SESTD1: variants seen among roughly 807,000 people sequenced by gnomAD.
The protein encoded by SESTD1 is SEC14 and spectrin domain containing 1.
SESTD1 carries 43 observed loss-of-function variants against 101.7 expected under a neutral mutation model. The observed-to-expected ratio is 0.42, with a 90% CI of 0.33 to 0.55. The LOEUF (loss-of-function observed/expected upper bound fraction) is 0.55. Ranked by LOEUF, SESTD1 falls within the 20% of genes least tolerant of loss-of-function variation. SESTD1 has a pLI of 0.07. For synonymous variants in SESTD1, 283 were observed against 286.8 expected (o/e 0.99, Z 0.13); for missense variants, 647 against 815.1 (o/e 0.79, Z 2.51).
chr2:179,145,753 T>A (rs1431528545), intron 8 of SESTD1, among the ~76,000 whole-genome samples: 1 of 152,200 alleles, frequency 6.6e-6, no homozygotes, highest in Admixed American at 6.5e-5. Context: ...AGTTACTTGA[T>A]CTTCGGCAAG....
chr2:179,244,245 T>C (rs2105549538), intron 1 of SESTD1, among the ~76,000 whole-genome samples: 1 of 152,182 alleles, frequency 6.6e-6, no homozygotes, highest in South Asian at 2.1e-4. Context: ...TTGCTTGAGA[T>C]CAGGAGTTCA....
rs1157052848 is a variant in SESTD1 at position 179,165,897 on chromosome 2, T to C, written c.369+6223A>G. Among the ~76,000 whole-genome samples the C allele has an allele frequency of 2.6e-5, 4 of 152,158 alleles. No individual in the cohort carries two copies. In the East Asian group the frequency reaches 7.7e-4, roughly 29 times the overall value. ...TTGGAAAGAGCATGGCTCCAACTCT[T>C]ACATAACAATGACCAAAAAAAATGC... On this transcript the variant is annotated intron_variant, in intron 5 of 17. Coordinates refer to ENST00000428443, the MANE Select transcript of SESTD1 (RefSeq NM_178123.5).
At chr2:179,242,484 C>CA (rs2047169228) in intron 1 of SESTD1, among the ~76,000 whole-genome samples, 1 of 150,066 alleles carries the variant, frequency 6.7e-6, no homozygotes, top group Non-Finnish European at 1.5e-5. Context: ...CATCTGGAAC[C>CA]AAAAAACGAC....
rs766651941 is a variant in SESTD1, at chr2:179,206,119, T to C, written c.-25-14253A>G. On this transcript the variant is annotated intron_variant, in intron 1 of 17. Coordinates refer to ENST00000428443, the MANE Select transcript of SESTD1 (RefSeq NM_178123.5). Reference sequence around the variant, plus strand: ...ACCACCTCCACAATAAAATGTTAAATAACATGAAGGTGGAAAATGGCAAAT... The same window carrying C: ...ACCACCTCCACAATAAAATGTTAAACAACATGAAGGTGGAAAATGGCAAAT... Among the ~76,000 whole-genome samples the C allele has an allele frequency of 1.6e-4, 22 of 134,912 alleles. 4 individuals are homozygous for C. The highest frequency in any genetic ancestry group is 3.3e-4 in the Non-Finnish European group (21 of 62,800). 88.5% of individuals were successfully genotyped at this position (134,912 alleles called of 152,430 possible). A position where few individuals can be genotyped will look rare whatever the true frequency, so the allele number is the denominator to read the frequency against.
At chr2:179,141,908 T>A (rs532421919) in intron 9 of SESTD1, among the ~76,000 whole-genome samples, 1 of 152,230 alleles carries the variant, frequency 6.6e-6, no homozygotes, top group Non-Finnish European at 1.5e-5. Context: ...AATTAACGTA[T>A]GCTCAGAAAT....
chr2:179,138,842 G>A (rs2045213480), intron 9 of SESTD1, among the ~76,000 whole-genome samples: 1 of 117,838 alleles, frequency 8.5e-6, no homozygotes, highest in African/African-American at 3.2e-5. Flanking sequence ...CTGCACTCCA[G>A]CCTGGGTAAT....
chr2:179,205,833 A>G lies in SESTD1; in HGVS notation c.-25-13967T>C, dbSNP rs1335648813. Among the ~76,000 whole-genome samples the G allele has an allele frequency of 3.6e-5, 4 of 112,064 alleles. 2 individuals are homozygous for G. The highest frequency in any genetic ancestry group is 3.1e-4 in the African/African-American group (4 of 12,842). The allele number at this position is 112,064 out of a possible 152,430, so 73.5% of individuals were successfully genotyped here. A position where few individuals can be genotyped will look rare whatever the true frequency, so the allele number is the denominator to read the frequency against. ...CTCTGTATCTCTTCCTCCCTTCTAG[A>G]GTCTCCTTTCCATCAATCTCTTTCA... is the stretch of plus-strand genomic sequence containing the variant. On this transcript the variant is annotated intron_variant, in intron 1 of 17. Coordinates refer to ENST00000428443, the MANE Select transcript of SESTD1 (RefSeq NM_178123.5).
At chr2:179,111,425 C>T (rs949056323) in intron 17 of SESTD1, among the ~76,000 whole-genome samples, 3 of 152,032 alleles carry the variant, frequency 2.0e-5, no homozygotes, top group South Asian at 4.2e-4. Flanking sequence ...ATTCCCACAC[C>T]CCCATAACCT....
chr2:179,190,991 GA>G (rs2046311312), intron 2 of SESTD1, among the ~76,000 whole-genome samples: 1 of 152,144 alleles, frequency 6.6e-6, no homozygotes, highest in Non-Finnish European at 1.5e-5. Flanking sequence ...TTAAAACAAA[GA>G]ATCTACAAAA....
Position 179,105,062 on chromosome 2 carries a change from C to G in SESTD1, c.*4837G>C, listed in dbSNP as rs1397754951. 6.6e-6 allele frequency: 1 copy of G among 152,086 alleles called. No individual in the cohort carries two copies. Among genetic ancestry groups the G allele is most frequent in the Non-Finnish European group, 1.5e-5 (1 of 68,028 alleles). 9.4% of individuals were successfully genotyped at this position (152,086 alleles called of 1,614,324 possible). A position where few individuals can be genotyped will look rare whatever the true frequency, so the allele number is the denominator to read the frequency against. ...ACGGAGTGTCCTTAGTTCTATGCCTCTATTACAGTATCAGTCGGCCATTTT... is the reference window on the plus strand; with the variant it reads ...ACGGAGTGTCCTTAGTTCTATGCCTGTATTACAGTATCAGTCGGCCATTTT... On this transcript the variant is annotated 3_prime_UTR_variant, in exon 18 of 18. Transcript: ENST00000428443.
At chr2:179,196,617 G>A (rs1414599726) in intron 1 of SESTD1, among the ~76,000 whole-genome samples, 3 of 152,300 alleles carry the variant, frequency 2.0e-5, no homozygotes, top group South Asian at 2.1e-4. Flanking sequence ...ATCTGAGAAT[G>A]GGCAGACTGC....
intron 3 of SESTD1, among the ~76,000 whole-genome samples, chr2:179,176,756 C>A (rs776159412): frequency 6.6e-6 from 1 of 152,132 alleles, no homozygotes; most frequent in African/African-American, 2.4e-5. Context: ...AATTTACAAA[C>A]TAATGTGGCA....
chr2:179,236,718 T>C (rs1280336613), intron 1 of SESTD1, among the ~76,000 whole-genome samples: 2 of 150,880 alleles, frequency 1.3e-5, no homozygotes, highest in Non-Finnish European at 2.9e-5. Flanking sequence ...TTAATTATTT[T>C]ACACTCATGT....
chr2:179,192,036 G>C (rs2046327266), intron 1 of SESTD1, among the ~76,000 whole-genome samples, 170 bp from the exon 2 acceptor site: 1 of 152,102 alleles, frequency 6.6e-6, no homozygotes, highest in African/African-American at 2.4e-5. Flanking sequence ...ATAGTTTGCA[G>C]CATCCCTGGT....
intron 1 of SESTD1, among the ~76,000 whole-genome samples, chr2:179,234,883 A>G (rs1470686310): frequency 6.6e-6 from 1 of 150,986 alleles, no homozygotes; most frequent in Non-Finnish European, 1.5e-5. Flanking sequence ...CTGAGGTGGG[A>G]GGATTGCTTG....
intron 1 of SESTD1, among the ~76,000 whole-genome samples, chr2:179,260,754 G>C (rs1045971981): frequency 1.3e-5 from 2 of 152,096 alleles, no homozygotes; most frequent in Non-Finnish European, 2.9e-5. Flanking sequence ...ATTACAGATG[G>C]AAAAGTTTAA....
intron 10 of SESTD1, among the ~76,000 whole-genome samples, chr2:179,126,205 T>A (rs74552817): frequency 0.058 from 8,782 of 152,304 alleles, 334 homozygotes; most frequent in South Asian, 0.14. Flanking sequence ...ATTCTTTTTT[T>A]AATCCATTCC....
rs77925830 is a variant in SESTD1, at chr2:179,237,074, T to C, written c.-26+27425A>G. ...TCAGAAAAATGTTTAAAAGAAAACATTGCAAATGTTGCACTTGCCCTCCTT... is the reference window on the plus strand; with the variant it reads ...TCAGAAAAATGTTTAAAAGAAAACACTGCAAATGTTGCACTTGCCCTCCTT... On this transcript the variant is annotated intron_variant, in intron 1 of 17. Transcript: ENST00000428443. 4.0e-3 allele frequency among the ~76,000 whole-genome samples: 576 copies of C among 145,770 alleles called. 8 individuals are homozygous for C. Among genetic ancestry groups the C allele is most frequent in the African/African-American group, 0.013 (543 of 41,010 alleles).
At chr2:179,154,497 A>C (rs1004496428) in intron 5 of SESTD1, among the ~76,000 whole-genome samples, 1 of 152,218 alleles carries the variant, frequency 6.6e-6, no homozygotes, top group African/African-American at 2.4e-5. Flanking sequence ...AGAGATCTAG[A>C]CACTGAACAT....
Sources: allele counts gnomAD v4.1 joint callset (sites outside exome capture counted in the v4.1 genomes callset), GRCh38; gene constraint gnomAD v4.1.1; transcripts MANE v1.5; gene names NCBI Gene and HGNC (gene_info 2026-07-23, HGNC 2026-07-21).